Variants in MINDY4 observed in about 807,000 individuals in gnomAD.
The protein encoded by MINDY4 is probable ubiquitin carboxyl-terminal hydrolase MINDY-4.
A neutral mutation model predicts 87.0 loss-of-function variants in MINDY4; 68 were observed. The ratio of observed to expected loss-of-function variants is 0.78; its 90% CI spans 0.64 to 0.96. The LOEUF (loss-of-function observed/expected upper bound fraction) is 0.96. MINDY4 is among the 40% of genes least tolerant of loss of function. The pLI is 0.00. For missense variants in MINDY4, 919 were observed against 928.2 expected, an observed-to-expected ratio of 0.99 and a Z score of 0.13; for synonymous variants, 379 against 363.2, an observed-to-expected ratio of 1.04 and a Z score of -0.50.
chr7:30,824,208 C>T (rs1206300998), intron 5 of MINDY4, among the ~76,000 whole-genome samples: 5 of 152,190 alleles, frequency 3.3e-5, no homozygotes, highest in African/African-American at 1.2e-4. Flanking sequence ...TGGGGGCTCT[C>T]TGCAGAGTGC....
intron 15 of MINDY4, among the ~76,000 whole-genome samples, chr7:30,879,367 A>G (rs1423162050): frequency 4.6e-5 from 7 of 152,180 alleles, no homozygotes. Context: ...AAACAACCCT[A>G]GTGACATCTC....
chr7:30,801,011 G>C (rs1368715559), intron 5 of MINDY4, among the ~76,000 whole-genome samples: 1 of 152,200 alleles, frequency 6.6e-6, no homozygotes, highest in East Asian at 1.9e-4. Flanking sequence ...AGCAGTCCAG[G>C]GGGAGAGAGA....
intron 6 of MINDY4, among the ~76,000 whole-genome samples, chr7:30,833,513 A>G (rs896627435): frequency 3.9e-5 from 6 of 152,178 alleles, no homozygotes; most frequent in African/African-American, 1.4e-4. Flanking sequence ...GAGCTACAAG[A>G]TGAGATTTGG....
At chr7:30,813,646 A>AG (rs1788071244) in intron 5 of MINDY4, among the ~76,000 whole-genome samples, 1 of 152,208 alleles carries the variant, frequency 6.6e-6, no homozygotes, top group Non-Finnish European at 1.5e-5. Context: ...GGAGAGGCAC[A>AG]GGGGGCTGGC....
chr7:30,875,706 AGC>A, intron 15 of MINDY4, 50 bp downstream of exon 15: 1 of 1,547,900 alleles, frequency 6.5e-7, no homozygotes, highest in Admixed American at 1.9e-5. Context: ...GACTCTCTGG[AGC>A]AATGAGGAGG....
chr7:30,791,487 T>C lies in MINDY4; in HGVS notation c.986T>C (p.Leu329Pro). The change falls in exon 5 of 18, where the codon CTC (leucine) becomes CCC (proline). Residue 329 changes from leucine to proline, a missense_variant. Coordinates refer to ENST00000265299, the MANE Select transcript of MINDY4 (RefSeq NM_032222.3). ...GACACGGACAGGATGCCCTTGAAGC[T>C]CTACTTGCCTGGTGGTAATTCCAGG... Reference protein sequence around the residue: ...STDTDRMPLKLYLPGGNSRMT... With the variant: ...STDTDRMPLKPYLPGGNSRMT... The C allele has an allele frequency of 6.2e-7, 1 of 1,613,926 alleles. No homozygotes were observed. The highest frequency in any genetic ancestry group is 8.5e-7 in the Non-Finnish European group (1 of 1,179,940).
chr7:30,772,425 A>G (rs1786672993), intron 1 of MINDY4, among the ~76,000 whole-genome samples: 1 of 152,230 alleles, frequency 6.6e-6, no homozygotes, highest in African/African-American at 2.4e-5. Context: ...TGTGAACCTC[A>G]GTACTTTACT....
intron 1 of MINDY4, among the ~76,000 whole-genome samples, chr7:30,777,687 C>A (rs1208517870): frequency 2.0e-5 from 3 of 152,136 alleles, no homozygotes; most frequent in African/African-American, 7.2e-5. Context: ...CAAGGAACAC[C>A]CCTAACACCA....
At chr7:30,805,679 A>G (rs1352572305) in intron 5 of MINDY4, among the ~76,000 whole-genome samples, 1 of 152,016 alleles carries the variant, frequency 6.6e-6, no homozygotes, top group Non-Finnish European at 1.5e-5. Flanking sequence ...CTTTGGAGAG[A>G]GCACCTTGAG....
intron 5 of MINDY4, among the ~76,000 whole-genome samples, chr7:30,816,593 C>T (rs1038760185): frequency 2.0e-5 from 3 of 152,122 alleles, no homozygotes; most frequent in Middle Eastern, 3.2e-3. Context: ...CGGGGCCATC[C>T]GTTTCTCCCT....
chr7:30,841,187 CG>C (rs1028295330), intron 9 of MINDY4, among the ~76,000 whole-genome samples: 8 of 152,186 alleles, frequency 5.3e-5, no homozygotes, highest in Admixed American at 5.2e-4. Flanking sequence ...CGACTGCGTC[CG>C]GGCCTCCCTT....
intron 4 of MINDY4, among the ~76,000 whole-genome samples, chr7:30,789,251 C>T (rs1411356104): frequency 6.6e-6 from 1 of 152,124 alleles, no homozygotes; most frequent in African/African-American, 2.4e-5. Flanking sequence ...GCCCTTTATA[C>T]CTGTGGTGTG....
intron 12 of MINDY4, 114 bp downstream of exon 12, chr7:30,853,573 G>A: frequency 4.2e-6 from 4 of 942,630 alleles, no homozygotes; most frequent in South Asian, 2.8e-5. Context: ...CTGGGATGGC[G>A]AGGAAGCTGG....
chr7:30,802,743 C>T (rs1787693383), intron 5 of MINDY4, among the ~76,000 whole-genome samples: 1 of 152,150 alleles, frequency 6.6e-6, no homozygotes, highest in Non-Finnish European at 1.5e-5. Context: ...TTTGTTCATA[C>T]AAAACTAGTT....
At chr7:30,798,617 C>T (rs1422487586) in intron 5 of MINDY4, among the ~76,000 whole-genome samples, 7 of 152,200 alleles carry the variant, frequency 4.6e-5, no homozygotes. Context: ...CTGCCTCAGC[C>T]TCCCGAGTAG....
chr7:30,891,060 C>T (rs892977422), intron 17 of MINDY4, among the ~76,000 whole-genome samples: 1 of 152,134 alleles, frequency 6.6e-6, no homozygotes, highest in Non-Finnish European at 1.5e-5. Context: ...GATGTCTGTT[C>T]CCTGCCCAAA....
intron 17 of MINDY4, among the ~76,000 whole-genome samples, chr7:30,889,779 A>G (rs1176757787): frequency 6.6e-6 from 1 of 152,234 alleles, no homozygotes; most frequent in Non-Finnish European, 1.5e-5. Context: ...CGATTGATGA[A>G]GGGGAGGTGG....
At chr7:30,879,861 T>C (rs887720568) in intron 15 of MINDY4, among the ~76,000 whole-genome samples, 1 of 152,206 alleles carries the variant, frequency 6.6e-6, no homozygotes, top group Non-Finnish European at 1.5e-5. Context: ...ATTTGAGCAC[T>C]TCTGAAATTC....
chr7:30,780,787 A>T (rs543273577), intron 2 of MINDY4: 1 of 152,368 alleles, frequency 6.6e-6, no homozygotes, highest in Non-Finnish European at 1.5e-5. Context: ...AGCATAAGGG[A>T]TAGTCAGGCA....
Sources: gnomAD v4.1 joint callset for allele counts (sites outside exome capture counted in the v4.1 genomes callset) on GRCh38, gnomAD v4.1.1 for gene constraint, MANE v1.5 for transcripts, NCBI Gene and HGNC (gene_info 2026-07-23, HGNC 2026-07-21) for gene names.